Variants in TCEA1 observed in about 807,000 individuals in gnomAD.
The protein encoded by TCEA1 is transcription elongation factor A1, also known as transcription elongation factor A protein 1.
Under a neutral mutation model 43.8 loss-of-function variants are expected in TCEA1, and 21 were observed. The observed-to-expected ratio is 0.48, with a 90% CI of 0.34 to 0.69. The LOEUF is 0.69. Ranked by LOEUF, TCEA1 falls within the 30% of genes least tolerant of loss-of-function variation. The probability of loss-of-function intolerance (pLI) is 0.01; values close to 1 mark genes in which losing one functional copy is unlikely to be tolerated. For missense variants in TCEA1, 250 were observed against 365.1 expected (o/e 0.68, Z 2.57); for synonymous variants, 104 against 117.5 (o/e 0.88, Z 0.75).
intron 8 of TCEA1, chr8:53,978,551 G>C (rs565158798): frequency 1.3e-5 from 2 of 153,832 alleles, no homozygotes; most frequent in Non-Finnish European, 1.4e-5. Flanking sequence ...ATCAGGGCTC[G>C]ATGAGGCAGG....
At chr8:53,972,087 A>C (rs1803174150) in intron 8 of TCEA1, 1 of 263,316 alleles carries the variant, frequency 3.8e-6, no homozygotes, top group South Asian at 4.7e-5. Flanking sequence ...CAAGTGTTCT[A>C]AGACAAGAAG....
At chr8:53,970,331 G>T in intron 9 of TCEA1, 61 bp downstream of exon 9, 2 of 1,147,558 alleles carry the variant, frequency 1.7e-6, no homozygotes, top group Non-Finnish European at 2.6e-6. Flanking sequence ...CCTATGAAAA[G>T]ACCAGAAGAA....
chr8:54,020,557 T>G (rs28489512), intron 1 of TCEA1, among the ~76,000 whole-genome samples: 4,680 of 152,318 alleles, frequency 0.031, 249 homozygotes, highest in African/African-American at 0.11. Flanking sequence ...CTAGCTGTCA[T>G]GTGGAAAGCA....
chr8:53,990,971 CTG>C (rs1173371026), intron 4 of TCEA1, among the ~76,000 whole-genome samples: 2 of 152,286 alleles, frequency 1.3e-5, no homozygotes, highest in East Asian at 3.9e-4. Context: ...TCCTGTATTT[CTG>C]TGTGTGTTGG....
chr8:53,990,306 C>T (rs535746995), intron 4 of TCEA1, among the ~76,000 whole-genome samples: 6 of 151,326 alleles, frequency 4.0e-5, no homozygotes, highest in Middle Eastern at 3.2e-3. Context: ...AATTCCGCCT[C>T]GGCGTCCTAA....
At chr8:54,020,138 G>A (rs1804974847) in intron 1 of TCEA1, among the ~76,000 whole-genome samples, 1 of 152,148 alleles carries the variant, frequency 6.6e-6, no homozygotes, top group South Asian at 2.1e-4. Flanking sequence ...AACATCTAAT[G>A]CATTAGATGA....
chr8:53,975,546 T>C (rs1803305277), intron 8 of TCEA1, among the ~76,000 whole-genome samples: 1 of 152,216 alleles, frequency 6.6e-6, no homozygotes, highest in Admixed American at 6.5e-5. Context: ...CAATGGAATA[T>C]TATCCAGCCG....
At chr8:54,013,700 A>C (rs1419522525) in intron 1 of TCEA1, among the ~76,000 whole-genome samples, 5 of 147,206 alleles carry the variant, frequency 3.4e-5, no homozygotes, top group Non-Finnish European at 5.9e-5. Context: ...AAAAAAAAAA[A>C]AACAAAAAAC....
intron 3 of TCEA1, among the ~76,000 whole-genome samples, chr8:53,998,803 G>A (rs761467944): frequency 1.3e-5 from 2 of 152,170 alleles, no homozygotes; most frequent in Non-Finnish European, 2.9e-5. Flanking sequence ...AAGTAAACAG[G>A]TTGGTCTTCA....
chr8:53,975,730 G>A (rs1414041451), intron 8 of TCEA1, among the ~76,000 whole-genome samples: 2 of 152,166 alleles, frequency 1.3e-5, no homozygotes, highest in East Asian at 3.8e-4. Flanking sequence ...TTGTTGGGCT[G>A]GGGAGAGGGG....
At chr8:54,015,356 G>T (rs1240433919) in intron 1 of TCEA1, among the ~76,000 whole-genome samples, 2 of 152,066 alleles carry the variant, frequency 1.3e-5, no homozygotes, top group Middle Eastern at 3.2e-3. Flanking sequence ...TTTCAGTAGA[G>T]ATGGGGTTTC....
At position 53,970,377 on chromosome 8, in the gene TCEA1, C is replaced by T; in HGVS notation, c.897+15G>A. The T allele has an allele frequency of 6.4e-7, 1 of 1,568,080 alleles. No individual in the cohort carries two copies. Among genetic ancestry groups the T allele is most frequent in the Non-Finnish European group, 8.8e-7 (1 of 1,140,662 alleles). Reference sequence around the variant, plus strand: ...TTTAAGTGAGTATATAATATGAATCCAAGAGAGTCCATACCTTCCATCGAT... The same window carrying T: ...TTTAAGTGAGTATATAATATGAATCTAAGAGAGTCCATACCTTCCATCGAT... On this transcript the variant is annotated intron_variant, in intron 9 of 9. Transcript: ENST00000521604.
rs1803108359 is a variant in TCEA1, at chr8:53,970,007, T to C, written c.897+385A>G. ...AACACTAAAATCATTGGGTCTGATT[T>C]CAACAAGGGAAAAAAAATTTTCCAA... On this transcript the variant is annotated intron_variant, in intron 9 of 9. Transcript: ENST00000521604. Among the ~76,000 whole-genome samples, 7 of 152,162 alleles carry C rather than the reference T, an allele frequency of 4.6e-5. No homozygotes were observed. The South Asian group carries it at 1.5e-3, about 32-fold the overall frequency.
At chr8:53,995,631 A>G (rs1181435683) in intron 3 of TCEA1, among the ~76,000 whole-genome samples, 4 of 152,238 alleles carry the variant, frequency 2.6e-5, no homozygotes, top group Non-Finnish European at 5.9e-5. Flanking sequence ...ATATAGAAGA[A>G]ACTATATCCA....
chr8:53,986,069 C>G (rs1036151556), intron 6 of TCEA1, among the ~76,000 whole-genome samples: 1 of 152,004 alleles, frequency 6.6e-6, no homozygotes, highest in Non-Finnish European at 1.5e-5. Context: ...AATTCTATAC[C>G]AACAGGAAAA....
rs1266092408 is a variant in TCEA1, at chr8:53,966,589, A to ACAAAT, written c.*1510_*1514dup. The ACAAAT allele has an allele frequency of 5.6e-6, 1 of 178,890 alleles. No individual in the cohort carries two copies. Among genetic ancestry groups the ACAAAT allele is most frequent in the Non-Finnish European group, 1.2e-5 (1 of 83,536 alleles). 11.1% of individuals were successfully genotyped at this position (178,890 alleles called of 1,614,324 possible). On this transcript the variant is annotated 3_prime_UTR_variant, in exon 10 of 10. Coordinates refer to ENST00000521604, the MANE Select transcript of TCEA1 (RefSeq NM_006756.4). ...ACAACAAAAAAAACTTTATTGAATT[A>ACAAAT]CAAATTTTAAAATGGATCACTTAAA...
At chr8:53,997,845 C>T (rs1021926668) in intron 3 of TCEA1, among the ~76,000 whole-genome samples, 2 of 152,000 alleles carry the variant, frequency 1.3e-5, no homozygotes, top group African/African-American at 4.8e-5. Flanking sequence ...TTAGCCTAGG[C>T]AACATAGCAA....
rs1185672991 is a variant in TCEA1 at position 54,016,984 on chromosome 8, A to G, written c.63+5079T>C. 2.7e-5 allele frequency among the ~76,000 whole-genome samples: 4 copies of G among 150,308 alleles called. No homozygotes were observed. The South Asian group carries it at 6.3e-4, about 23-fold the overall frequency. On this transcript the variant is annotated intron_variant, in intron 1 of 9. Coordinates refer to ENST00000521604, the MANE Select transcript of TCEA1 (RefSeq NM_006756.4). Reference sequence around the variant, plus strand: ...GCAAGATGAGACTCCGTCTCAAAAAAAAAAAAAAAAAAAAAAGACTATACT... The same window carrying G: ...GCAAGATGAGACTCCGTCTCAAAAAGAAAAAAAAAAAAAAAAGACTATACT...
chr8:54,001,535 G>T (rs940890757), intron 2 of TCEA1, among the ~76,000 whole-genome samples: 1 of 152,150 alleles, frequency 6.6e-6, no homozygotes, highest in African/African-American at 2.4e-5. Flanking sequence ...GGTTAACAAG[G>T]CTAGTTTACT....
Sources: allele counts gnomAD v4.1 joint callset (sites outside exome capture counted in the v4.1 genomes callset), GRCh38; gene constraint gnomAD v4.1.1; transcripts MANE v1.5; gene names NCBI Gene and HGNC (gene_info 2026-07-23, HGNC 2026-07-21).